The following SMTN variants were observed in gnomAD, a reference collection of about 807,000 sequenced individuals.
The protein encoded by SMTN is smoothelin.
SMTN carries 58 observed loss-of-function variants against 102.0 expected under a neutral mutation model. The observed-to-expected ratio is 0.57, with a 90% CI of 0.46 to 0.71. The LOEUF (loss-of-function observed/expected upper bound fraction) is 0.71, where lower values mean the gene tolerates loss of function less well. SMTN is among the 30% of genes least tolerant of loss of function. SMTN has a pLI of 0.00. For missense variants in SMTN, 1,185 were observed against 1,241.7 expected (o/e 0.95, Z 0.69); for synonymous variants, 478 against 497.9 (o/e 0.96, Z 0.53).
intron 2 of SMTN, among the ~76,000 whole-genome samples, chr22:31,085,621 C>T (rs1303178649): frequency 6.6e-6 from 1 of 152,258 alleles, no homozygotes; most frequent in Admixed American, 6.5e-5. Flanking sequence ...TCCCCTTCCC[C>T]CTCGGTAGAC....
intron 1 of SMTN, among the ~76,000 whole-genome samples, chr22:31,074,029 A>G (rs1422752246): frequency 6.6e-6 from 1 of 152,178 alleles, no homozygotes; most frequent in Non-Finnish European, 1.5e-5. Flanking sequence ...TTAAGGCCCA[A>G]TCTCTTAACA....
chr22:31,094,805 C>T (rs2043442648), intron 11 of SMTN, among the ~76,000 whole-genome samples: 1 of 151,954 alleles, frequency 6.6e-6, no homozygotes, highest in Non-Finnish European at 1.5e-5. Flanking sequence ...CCTCAGCTTT[C>T]TGAGTAGGTG....
At position 31,088,962 on chromosome 22, in the gene SMTN, A is replaced by T. The variant is rs150644457; in HGVS notation, c.464A>T (p.Gln155Leu). 1.2e-6 allele frequency: 2 copies of T among 1,613,086 alleles called. No homozygotes were observed. Among genetic ancestry groups the T allele is most frequent in the Non-Finnish European group, 1.7e-6 (2 of 1,179,514 alleles). Reference protein sequence around the residue: ...SKGLAAHRLEQCEVPEREEQE... With the variant: ...SKGLAAHRLELCEVPEREEQE... ...GGGCTAGCGGCACACAGGCTGGAACAGTGTGAGGTAAGGAGGGTGGGAGAG... is the reference window on the plus strand; with the variant it reads ...GGGCTAGCGGCACACAGGCTGGAACTGTGTGAGGTAAGGAGGGTGGGAGAG... The change falls in exon 6 of 21, where the codon CAG becomes CTG. Residue 155 changes from glutamine (Q) to leucine (L), a missense_variant. Transcript: ENST00000333137.
chr22:31,081,669 T>C (rs1402860714), intron 1 of SMTN, among the ~76,000 whole-genome samples: 1 of 152,184 alleles, frequency 6.6e-6, no homozygotes, highest in African/African-American at 2.4e-5. Flanking sequence ...CGCTAGTCTG[T>C]GGCGGCAGAA....
At position 31,085,271 on chromosome 22, in the gene SMTN, C is replaced by T. The variant is rs769850768; in HGVS notation, c.51+1962C>T. The T allele has an allele frequency of 7.6e-4, 1,141 of 1,510,378 alleles. 4 individuals are homozygous for T. Among genetic ancestry groups the T allele is most frequent in the Non-Finnish European group, 9.1e-4 (1,030 of 1,131,302 alleles). 93.6% of individuals were successfully genotyped at this position (1,510,378 alleles called of 1,614,324 possible). ...GTGTCTTCCTACCTGGCTACCCCTT[C>T]GGCGCCTAGCGCGAGGCAGGGTGGG... is the stretch of plus-strand genomic sequence containing the variant. On this transcript the variant is annotated intron_variant, in intron 2 of 20. Coordinates refer to ENST00000333137, the MANE Select transcript of SMTN (RefSeq NM_134269.3).
chr22:31,073,950 C>T (rs1447481153), intron 1 of SMTN, among the ~76,000 whole-genome samples: 1 of 152,188 alleles, frequency 6.6e-6, no homozygotes, highest in Admixed American at 6.5e-5. Flanking sequence ...CCAGTGGTCT[C>T]TTAGGCAGGA....
intron 20 of SMTN, chr22:31,101,467 G>A (rs1024038405): frequency 6.1e-6 from 1 of 164,008 alleles, no homozygotes; most frequent in Admixed American, 5.9e-5. Flanking sequence ...GTCTGGATAT[G>A]AGGGAGGAGG....
Position 31,097,245 on chromosome 22 carries a change from G to C in SMTN, c.2090-24G>C, listed in dbSNP as rs780895602. ...TGATGTCCAGCCCAGGCCCTCACCT[G>C]GTGCCCCTTCCCCTTTTTTGCAGAT... On this transcript the variant is annotated intron_variant, in intron 15 of 20. Transcript: ENST00000333137. The C allele has an allele frequency of 1.9e-6, 3 of 1,613,026 alleles. No homozygotes were observed. In the South Asian group the frequency reaches 3.3e-5, roughly 18 times the overall value.
intron 3 of SMTN, 60 bp downstream of exon 3, chr22:31,088,173 CAT>C (rs1470704344): frequency 1.0e-4 from 156 of 1,525,338 alleles, no homozygotes; most frequent in Non-Finnish European, 1.2e-4. Context: ...TGGCTCAGCT[CAT>C]GTGTGCAGGC....
chr22:31,077,452 T>C (rs2042158584), upstream of SMTN, among the ~76,000 whole-genome samples: 1 of 151,798 alleles, frequency 6.6e-6, no homozygotes, highest in Admixed American at 6.6e-5. Context: ...ATCTGTATAA[T>C]GGTGGTCCTA....
intron 2 of SMTN, chr22:31,085,303 G>A (rs1433147728): frequency 6.7e-7 from 1 of 1,488,470 alleles, no homozygotes; most frequent in Non-Finnish European, 8.9e-7. Context: ...TGGGCGAGGC[G>A]AGGGCGGCGC....
intron 2 of SMTN, among the ~76,000 whole-genome samples, chr22:31,085,599 GCCCCAT>G (rs2042636143): frequency 6.6e-6 from 1 of 152,204 alleles, no homozygotes; most frequent in Non-Finnish European, 1.5e-5. Flanking sequence ...TTCGGAAACC[GCCCCAT>G]CCCCTTCCCC....
upstream of SMTN, among the ~76,000 whole-genome samples, chr22:31,079,558 C>A (rs543073574): frequency 6.6e-6 from 1 of 152,214 alleles, no homozygotes; most frequent in East Asian, 1.9e-4. Flanking sequence ...GTGTGCCCTG[C>A]ATGAAGGGGA....
In SMTN at chr22:31,095,483, T is replaced by C. The variant is rs767762874; in HGVS notation, c.1785+28T>C. 1.7e-4 allele frequency: 281 copies of C among 1,614,134 alleles called. No individual in the cohort carries two copies. Among genetic ancestry groups the C allele is most frequent in the Admixed American group, 4.2e-4 (25 of 60,020 alleles). On this transcript the variant is annotated intron_variant, in intron 12 of 20. Transcript: ENST00000333137. The surrounding 1 kb of genome is among the most constrained non-coding windows in gnomAD (Gnocchi z 4.1). ...ATAGCCAGATCCGGTGGGCTGGGGG[T>C]TGGCAGAGGCCAGCAGGCACCAGGT...
rs756270184 is a variant in SMTN, at chr22:31,104,378, C to T, written c.*83C>T. Reference sequence around the variant, plus strand: ...GACATGATGATCATGGGCAAGAAGCCTGACCCCAAGTGTGTCTTCACCTAT... The same window carrying T: ...GACATGATGATCATGGGCAAGAAGCTTGACCCCAAGTGTGTCTTCACCTAT... On this transcript the variant is annotated 3_prime_UTR_variant, in exon 21 of 21. Transcript: ENST00000333137. 1 of 1,614,196 alleles carries T rather than the reference C, an allele frequency of 6.2e-7. No individual in the cohort carries two copies. Among genetic ancestry groups the T allele is most frequent in the South Asian group, 1.1e-5 (1 of 91,084 alleles).
chr22:31,081,057 C>T (rs1403752888), upstream of SMTN, among the ~76,000 whole-genome samples: 1 of 152,102 alleles, frequency 6.6e-6, no homozygotes, highest in African/African-American at 2.4e-5. Flanking sequence ...GGGCGCCCCC[C>T]CCGACTTGGC....
intron 1 of SMTN, among the ~76,000 whole-genome samples, chr22:31,072,648 G>A (rs758501266): frequency 6.6e-6 from 1 of 152,078 alleles, no homozygotes; most frequent in African/African-American, 2.4e-5. Context: ...TTTTAGTACA[G>A]ACAGGGTTTC....
In SMTN at chr22:31,083,270, G is replaced by A; in HGVS notation, c.12G>A (p.Glu4=). 1 of 1,594,534 alleles carries A rather than the reference G, an allele frequency of 6.3e-7. No homozygotes were observed. The highest frequency in any genetic ancestry group is 2.3e-5 in the East Asian group (1 of 44,152). The change falls in exon 2 of 21, where the codon GAG becomes GAA. Residue 4 remains glutamate, a synonymous_variant. Coordinates refer to ENST00000333137, the MANE Select transcript of SMTN (RefSeq NM_134269.3). ...TAGGGGCCAGCGAGATGGCGGACGA[G>A]GCCTTAGCTGGGCTGGATGAGGGAG... MAD[E]ALAGLDEGAL...
intron 6 of SMTN, 96 bp from the exon 7 acceptor site, chr22:31,089,603 T>G (rs1052557249): frequency 1.7e-6 from 2 of 1,177,914 alleles, no homozygotes; most frequent in Admixed American, 1.9e-5. Context: ...CTGCTTTGCA[T>G]GCCCTGCCCT....
Sources: gnomAD v4.1 joint callset for allele counts (sites outside exome capture counted in the v4.1 genomes callset) on GRCh38, gnomAD v4.1.1 for gene constraint, Gnocchi (gnomAD v3.1) non-coding constraint, MANE v1.5 for transcripts, NCBI Gene and HGNC (gene_info 2026-07-23, HGNC 2026-07-21) for gene names.